The following MKLN1 variants were observed in gnomAD, a reference collection of about 807,000 sequenced individuals.
MKLN1 encodes the protein muskelin 1, also known as muskelin.
In MKLN1, 18 loss-of-function variants were observed where a neutral mutation model predicts 99.0. That is an observed-to-expected ratio of 0.18 (90% CI 0.13 to 0.27). The LOEUF is 0.27. Among genes scored for constraint, MKLN1 ranks in the 10% least tolerant of loss-of-function variants. The pLI is 1.00. For missense variants in MKLN1, 621 were observed against 875.9 expected (o/e 0.71, Z 3.67); for synonymous variants, 288 against 293.2 (o/e 0.98, Z 0.18).
At chr7:131,401,394 C>T (rs1584701018) in intron 6 of MKLN1, among the ~76,000 whole-genome samples, 1 of 152,272 alleles carries the variant, frequency 6.6e-6, no homozygotes, top group South Asian at 2.1e-4. Context: ...CACCTAGGGA[C>T]AGGAATGTTT....
At chr7:131,382,483 G>A (rs929805246) in intron 2 of MKLN1, among the ~76,000 whole-genome samples, 1 of 152,044 alleles carries the variant, frequency 6.6e-6, no homozygotes, top group African/African-American at 2.4e-5. Context: ...CTGTTTTCTG[G>A]TGAAGTGTCT....
intron 8 of MKLN1, among the ~76,000 whole-genome samples, chr7:131,422,676 G>A (rs1239228547): frequency 6.6e-6 from 1 of 150,868 alleles, no homozygotes; most frequent in African/African-American, 2.4e-5. Flanking sequence ...CATATACCTT[G>A]TTTTCTTAGA....
chr7:131,445,269 A>T (rs1795976442), intron 11 of MKLN1, among the ~76,000 whole-genome samples: 1 of 152,014 alleles, frequency 6.6e-6, no homozygotes, highest in African/African-American at 2.4e-5. Flanking sequence ...AAAAGCATAT[A>T]CATTGTTCTA....
chr7:131,372,483 A>G (rs1027231818), intron 1 of MKLN1, among the ~76,000 whole-genome samples: 16 of 152,074 alleles, frequency 1.1e-4, no homozygotes, highest in African/African-American at 3.6e-4. Context: ...CTCCCTGTTT[A>G]TGAATGTTAT....
chr7:131,110,541 C>T (rs777908094), intron 1 of MKLN1, among the ~76,000 whole-genome samples: 14 of 152,182 alleles, frequency 9.2e-5, no homozygotes, highest in Non-Finnish European at 2.1e-4. Context: ...CAACCCACAT[C>T]ATATTCCCAG....
intron 3 of MKLN1, among the ~76,000 whole-genome samples, chr7:131,308,498 T>C (rs941583086): frequency 6.6e-6 from 1 of 152,092 alleles, no homozygotes; most frequent in African/African-American, 2.4e-5. Context: ...TGACCTCAGG[T>C]GATCCACCTG....
At chr7:131,338,114 T>C (rs560904951) in intron 1 of MKLN1, among the ~76,000 whole-genome samples, 206 of 152,364 alleles carry the variant, frequency 1.4e-3, no homozygotes, top group Non-Finnish European at 2.6e-3. Flanking sequence ...TCTGGCTTTT[T>C]TTCTTTCCAG....
At chr7:131,249,419 T>C (rs1797543483) in intron 3 of MKLN1, among the ~76,000 whole-genome samples, 1 of 152,200 alleles carries the variant, frequency 6.6e-6, no homozygotes, top group Non-Finnish European at 1.5e-5. Flanking sequence ...AAGAAGTCTC[T>C]GGTAAAGGAT....
At chr7:131,460,234 AT>A (rs1796475449) in intron 12 of MKLN1, among the ~76,000 whole-genome samples, 1 of 151,894 alleles carries the variant, frequency 6.6e-6, no homozygotes, top group Non-Finnish European at 1.5e-5. Context: ...CTATTTGTTC[AT>A]CTAGGTCCCT....
At chr7:131,212,569 A>T (rs1796921456) in intron 3 of MKLN1, among the ~76,000 whole-genome samples, 1 of 152,218 alleles carries the variant, frequency 6.6e-6, no homozygotes, top group African/African-American at 2.4e-5. Context: ...CATCTTCATT[A>T]TAAAATATTT....
chr7:131,283,346 C>CTCCTTCCTTCCTTCCTTCCTTCCT lies in MKLN1; in HGVS notation c.-179+80405_-179+80428dup, dbSNP rs1175927858. Among the ~76,000 whole-genome samples, 34 of 51,432 alleles carry CTCCTTCCTTCCTTCCTTCCTTCCT rather than the reference C, an allele frequency of 6.6e-4. 1 individual carries two copies. Among genetic ancestry groups the CTCCTTCCTTCCTTCCTTCCTTCCT allele is most frequent in the Admixed American group, 1.2e-3 (5 of 4,208 alleles). The allele number at this position is 51,432 out of a possible 152,430, so 33.7% of individuals were successfully genotyped here. On this transcript the variant is annotated intron_variant, in intron 3 of 7. Coordinates refer to the MKLN1 transcript ENST00000416992. Reference sequence around the variant, plus strand: ...CCCTCCCTCCTTCCCTTCCCTTCCCCTCCTTCCTTCCTTCCTTCCTTCCTT... The same window carrying CTCCTTCCTTCCTTCCTTCCTTCCT: ...CCCTCCCTCCTTCCCTTCCCTTCCCCTCCTTCCTTCCTTCCTTCCTTCCTTCCTTCCTTCCTTCCTTCCTTCCTT...
At chr7:131,331,549 C>A (rs1168206368) in intron 1 of MKLN1, among the ~76,000 whole-genome samples, 1 of 152,206 alleles carries the variant, frequency 6.6e-6, no homozygotes, top group South Asian at 2.1e-4. Flanking sequence ...CTTTGGGAGG[C>A]CAAGGCAGGA....
At chr7:131,451,990 G>A (rs1007467553) in intron 12 of MKLN1, among the ~76,000 whole-genome samples, 2 of 152,180 alleles carry the variant, frequency 1.3e-5, no homozygotes, top group Admixed American at 6.5e-5. Context: ...TCAAGTATTG[G>A]TAATACTGAG....
At chr7:131,339,452 C>A (rs1217402579) in intron 1 of MKLN1, among the ~76,000 whole-genome samples, 1 of 152,090 alleles carries the variant, frequency 6.6e-6, no homozygotes, top group Non-Finnish European at 1.5e-5. Context: ...TGCCTGTAAT[C>A]CCAGCACTTT....
rs1225126096 is a variant in MKLN1 at position 131,437,904 on chromosome 7, C to A, written c.1080C>A (p.Asp360Glu). The change falls in exon 10 of 18, where the codon GAC (aspartate) becomes GAA (glutamate). Residue 360 changes from aspartate to glutamate, a missense_variant. Physicochemically the swap from Asp to Glu is conservative, Grantham distance 45. This residue lies in a region of MKLN1 where 361 missense variants were observed against 540.8 expected (regional missense o/e 0.67). Coordinates refer to ENST00000352689, the MANE Select transcript of MKLN1 (RefSeq NM_013255.5). ...GGAACAGCAAATCTCTGAAAAGTGA[C>A]TTCTATCGTTATGACATTGATACAA... is the stretch of plus-strand genomic sequence containing the variant. ...SVRNSKSLKSDFYRYDIDTNT... is the reference protein window; with the variant it reads ...SVRNSKSLKSEFYRYDIDTNT... 6.2e-7 allele frequency: 1 copy of A among 1,613,714 alleles called. No individual in the cohort carries two copies. The highest frequency in any genetic ancestry group is 8.5e-7 in the Non-Finnish European group (1 of 1,179,816).
intron 3 of MKLN1, chr7:131,311,356 G>C (rs899664351): frequency 6.6e-6 from 1 of 152,034 alleles, no homozygotes; most frequent in African/African-American, 2.4e-5. Flanking sequence ...AAGGAAATTT[G>C]GTTATTCCTG....
chr7:131,277,912 G>A (rs12534675), intron 3 of MKLN1, among the ~76,000 whole-genome samples: 142,816 of 152,292 alleles, frequency 0.94, 66,993 homozygotes, highest in East Asian at 0.99. Flanking sequence ...ATCAACAAAA[G>A]TAAAGGAAAA....
chr7:131,202,274 C>T (rs1796740494), intron 2 of MKLN1, among the ~76,000 whole-genome samples: 1 of 146,990 alleles, frequency 6.8e-6, no homozygotes, highest in Admixed American at 7.1e-5. Context: ...ATTCACCATG[C>T]CCGGCTAATT....
chr7:131,257,051 A>G (rs1797667639), intron 3 of MKLN1, among the ~76,000 whole-genome samples: 1 of 152,242 alleles, frequency 6.6e-6, no homozygotes, highest in Non-Finnish European at 1.5e-5. Flanking sequence ...TTTAAAAGAC[A>G]TAAAATCGTA....
Sources: allele counts gnomAD v4.1 joint callset (sites outside exome capture counted in the v4.1 genomes callset), GRCh38; gene constraint gnomAD v4.1.1; regional missense constraint gnomAD v4.1.1; transcripts MANE v1.5; gene names NCBI Gene and HGNC (gene_info 2026-07-23, HGNC 2026-07-21).